The following POLR1C variants were observed in gnomAD, a reference collection of about 807,000 sequenced individuals.
POLR1C encodes DNA-directed RNA polymerases I and III subunit RPAC1.
In POLR1C, 42 loss-of-function variants were observed where a neutral mutation model predicts 38.3. The ratio of observed to expected loss-of-function variants is 1.10; its 90% CI spans 0.86 to 1.42. POLR1C has a LOEUF of 1.42. Ranked by LOEUF, POLR1C falls within the 40% of genes most tolerant of loss-of-function variation. The pLI is 0.00. For missense variants in POLR1C, 507 were observed against 450.5 expected, an observed-to-expected ratio of 1.13 and a Z score of -1.14; for synonymous variants, 163 against 163.9, an observed-to-expected ratio of 0.99 and a Z score of 0.04.
intron 10 of POLR1C, among the ~76,000 whole-genome samples, chr6:43,561,208 C>G (rs934691492): frequency 6.6e-6 from 1 of 152,132 alleles, no homozygotes; most frequent in Non-Finnish European, 1.5e-5. Context: ...ATCATCATTA[C>G]TTTGCCTACT....
At chr6:43,520,458 G>T (rs1228500951) in intron 6 of POLR1C, 31 bp downstream of exon 6, 1 of 1,612,348 alleles carries the variant, frequency 6.2e-7, no homozygotes, top group Non-Finnish European at 8.5e-7. Flanking sequence ...CCTGGGAAGG[G>T]GGATAGTTCG....
chr6:43,551,543 G>C, intron 10 of POLR1C: 2 of 1,501,254 alleles, frequency 1.3e-6, no homozygotes, highest in South Asian at 1.2e-5. Flanking sequence ...CTTTTAAAGA[G>C]ACAGGGTCTC....
At chr6:43,522,645 G>C (rs1409197136), downstream of POLR1C, 1 of 438,094 alleles carries the variant, frequency 2.3e-6, no homozygotes, top group Admixed American at 2.3e-5. Context: ...TTCTCAATCT[G>C]ACCCTGCCTG....
At chr6:43,550,212 C>T (rs1010537255) in intron 9 of POLR1C, among the ~76,000 whole-genome samples, 5 of 152,200 alleles carry the variant, frequency 3.3e-5, no homozygotes, top group Non-Finnish European at 7.3e-5. Flanking sequence ...GCTATGGAAA[C>T]GCCTCTCTCT....
At chr6:43,529,979 G>A (rs1793860341), downstream of POLR1C, among the ~76,000 whole-genome samples, 1 of 151,844 alleles carries the variant, frequency 6.6e-6, no homozygotes, top group African/African-American at 2.4e-5. Context: ...TCACAGCTGG[G>A]CATGGTGGCT....
At chr6:43,537,951 C>G (rs1025566432) in intron 9 of POLR1C, among the ~76,000 whole-genome samples, 2 of 151,104 alleles carry the variant, frequency 1.3e-5, no homozygotes, top group African/African-American at 2.4e-5. Flanking sequence ...ACCTGTAATC[C>G]CAGCTACTCG....
chr6:43,519,186 A>G (rs903667491), intron 2 of POLR1C, 147 bp from the exon 3 acceptor site: 8 of 695,814 alleles, frequency 1.1e-5, no homozygotes, highest in Non-Finnish European at 1.8e-5. Flanking sequence ...ACACTGGGCG[A>G]GATAGAATAT....
chr6:43,528,556 A>G (rs1793743818), intron 8 of POLR1C, among the ~76,000 whole-genome samples: 1 of 152,166 alleles, frequency 6.6e-6, no homozygotes, highest in African/African-American at 2.4e-5. Context: ...AGGGTCTGTG[A>G]GCAAGCATTC....
At chr6:43,544,593 C>T (rs1027632627) in intron 9 of POLR1C, among the ~76,000 whole-genome samples, 5 of 152,104 alleles carry the variant, frequency 3.3e-5, no homozygotes, top group African/African-American at 4.8e-5. Context: ...ATCACTTTCA[C>T]GTTTCTCTAG....
At chr6:43,553,089 G>A (rs535260274) in intron 10 of POLR1C, among the ~76,000 whole-genome samples, 2 of 152,262 alleles carry the variant, frequency 1.3e-5, no homozygotes, top group South Asian at 4.1e-4. Flanking sequence ...CAAGGCAGGA[G>A]GGTCGCTTGA....
At chr6:43,542,423 T>C (rs1177939313) in intron 9 of POLR1C, among the ~76,000 whole-genome samples, 1 of 152,180 alleles carries the variant, frequency 6.6e-6, no homozygotes, top group Non-Finnish European at 1.5e-5. Context: ...TTCAATTTTT[T>C]TTTTGAGATG....
chr6:43,548,545 A>G, intron 9 of POLR1C: 1 of 1,251,548 alleles, frequency 8.0e-7, no homozygotes, highest in East Asian at 2.7e-5. Flanking sequence ...GAAAGAAGAA[A>G]ACCAAAGCAG....
At chr6:43,552,970 ATC>A (rs1795322339) in intron 10 of POLR1C, among the ~76,000 whole-genome samples, 1 of 150,166 alleles carries the variant, frequency 6.7e-6, no homozygotes, top group South Asian at 2.1e-4. Flanking sequence ...GCCTCTCTAA[ATC>A]TGTTTCCTCT....
chr6:43,531,563 G>C (rs1195386526), downstream of POLR1C: 1 of 1,613,852 alleles, frequency 6.2e-7, no homozygotes, highest in Non-Finnish European at 8.5e-7. Flanking sequence ...TTCCAAGAGA[G>C]GTTGAGGTAA....
chr6:43,549,575 G>C, intron 9 of POLR1C: 1 of 1,612,406 alleles, frequency 6.2e-7, no homozygotes, highest in South Asian at 1.1e-5. Flanking sequence ...CGGGTTCTGG[G>C]GGCCTGAAAA....
intron 10 of POLR1C, chr6:43,555,065 C>T (rs1761987867): frequency 6.6e-6 from 1 of 151,994 alleles, no homozygotes; most frequent in South Asian, 2.1e-4. Context: ...CCTCAGCCTC[C>T]CAAGTAGCTG....
chr6:43,522,630 GCTT>G (rs371707478), downstream of POLR1C: 6 of 409,574 alleles, frequency 1.5e-5, no homozygotes, highest in East Asian at 7.7e-5. Context: ...CCCCAGCTTT[GCTT>G]CTTCTCAATC....
At chr6:43,558,394 A>G (rs1762224787) in intron 10 of POLR1C, 2 of 966,606 alleles carry the variant, frequency 2.1e-6, no homozygotes, top group Non-Finnish European at 1.5e-6. Context: ...GCTGCTATCC[A>G]GATTTGGGGA....
At chr6:43,535,760 G>T (rs1364418712) in intron 9 of POLR1C, among the ~76,000 whole-genome samples, 1 of 148,064 alleles carries the variant, frequency 6.8e-6, no homozygotes, top group Non-Finnish European at 1.5e-5. Context: ...CTTGCAATGA[G>T]CTGAAATCGC....
Sources: gnomAD v4.1 joint callset for allele counts (sites outside exome capture counted in the v4.1 genomes callset) on GRCh38, gnomAD v4.1.1 for gene constraint, MANE v1.5 for transcripts, NCBI Gene and HGNC (gene_info 2026-07-23, HGNC 2026-07-21) for gene names.